Variants in ADGRF1 observed in about 807,000 individuals in gnomAD.
ADGRF1 encodes adhesion G protein-coupled receptor F1, also known as G protein-coupled receptor 110.
A neutral mutation model predicts 87.2 loss-of-function variants in ADGRF1; 85 were observed. The observed-to-expected ratio is 0.97, with a 90% CI of 0.82 to 1.17. The LOEUF is 1.17. Ranked by LOEUF, ADGRF1 falls within the 50% of genes most tolerant of loss-of-function variation. The pLI, the probability that ADGRF1 is intolerant of heterozygous loss-of-function variation, is 0.00. For missense variants in ADGRF1, 1,169 were observed against 1,077.2 expected, an observed-to-expected ratio of 1.09 and a Z score of -1.19; for synonymous variants, 430 against 408.8, an observed-to-expected ratio of 1.05 and a Z score of -0.63.
chr6:47,038,151 G>A (rs1366084885), intron 1 of ADGRF1, among the ~76,000 whole-genome samples: 2 of 152,182 alleles, frequency 1.3e-5, no homozygotes, highest in African/African-American at 2.4e-5. Flanking sequence ...GTGAGGCACC[G>A]TGTCCGGCCG....
At chr6:47,030,313 G>T (rs1780373305) in intron 1 of ADGRF1, among the ~76,000 whole-genome samples, 1 of 152,256 alleles carries the variant, frequency 6.6e-6, no homozygotes, top group East Asian at 1.9e-4. Flanking sequence ...TTTCCTTTCG[G>T]ATGAATGGTC....
chr6:47,018,440 T>C (rs1779944788), intron 7 of ADGRF1: 1 of 1,289,582 alleles, frequency 7.8e-7, no homozygotes, highest in African/African-American at 1.5e-5. Context: ...AATGTATAAA[T>C]AAGTGCAGAC....
chr6:47,008,001 A>G (rs1416935479), intron 11 of ADGRF1, among the ~76,000 whole-genome samples: 1 of 152,238 alleles, frequency 6.6e-6, no homozygotes, highest in Admixed American at 6.5e-5. Flanking sequence ...TATGTGCCAG[A>G]CAATGCGATA....
At chr6:47,021,451 C>G (rs565392345) in intron 6 of ADGRF1, among the ~76,000 whole-genome samples, 1 of 152,238 alleles carries the variant, frequency 6.6e-6, no homozygotes, top group Admixed American at 6.5e-5. Flanking sequence ...AACTCCACCT[C>G]CCGGGTTCAA....
At position 47,034,273 on chromosome 6, in the gene ADGRF1, T is replaced by C. The variant is rs146932039; in HGVS notation, c.-43-5169A>G. 4.2e-3 allele frequency among the ~76,000 whole-genome samples: 634 copies of C among 152,318 alleles called. 1 individual carries two copies. Among genetic ancestry groups the C allele is most frequent in the Non-Finnish European group, 5.7e-3 (386 of 68,032 alleles). On this transcript the variant is annotated intron_variant, in intron 1 of 14. Coordinates refer to ENST00000371253, the MANE Select transcript of ADGRF1 (RefSeq NM_153840.4). ...TCTATTTGTAGATTACTTATTTAAT[T>C]GTTCTTTTATCAATGTCTGGCAGTC...
intron 9 of ADGRF1, chr6:47,014,262 C>A: frequency 1.0e-6 from 1 of 987,342 alleles, no homozygotes; most frequent in Non-Finnish European, 1.2e-6. Flanking sequence ...GTCTGACCCA[C>A]TCCTTGCCCT....
chr6:47,029,082 G>A lies in ADGRF1; in HGVS notation c.-21C>T, dbSNP rs201000780. ...TTCATTTTCCCTGGACTGAACAGCA[G>A]CAGTCGGGTGCATAGTCTGTGACTA... On this transcript the variant is annotated 5_prime_UTR_variant, in exon 2 of 15. Transcript: ENST00000371253. The A allele has an allele frequency of 1.6e-3, 2,617 of 1,601,458 alleles. 43 individuals carry two copies. In the South Asian group the frequency reaches 0.023, roughly 14 times the overall value.
chr6:47,040,428 C>G (rs978776868), intron 1 of ADGRF1, among the ~76,000 whole-genome samples: 1 of 148,612 alleles, frequency 6.7e-6, no homozygotes, highest in Non-Finnish European at 1.5e-5. Flanking sequence ...GCCGAGATCA[C>G]GCCACTGCAC....
Position 47,009,761 on chromosome 6 carries a change from G to A in ADGRF1, c.1674C>T (p.Ile558=), listed in dbSNP as rs760333281. The A allele has an allele frequency of 2.2e-5, 36 of 1,614,050 alleles. No homozygotes were observed. The Admixed American group carries it at 5.2e-4, about 23-fold the overall frequency. ...TCAAGTGAGTACATTGGCACGTCAC[G>A]ATGTCTTGAGTTTCATTCACTAGGT... ...GCHLVNETQD[I]VTCQCTHLTS... is the part of the protein sequence containing the mutation. The change falls in exon 11 of 15, where the codon ATC becomes ATT. Residue 558 remains isoleucine (I), a synonymous_variant. Transcript: ENST00000371253.
rs774609430 is a variant in ADGRF1, at chr6:47,020,831, C to T, written c.553-42G>A. On this transcript the variant is annotated intron_variant, in intron 6 of 14. Transcript: ENST00000371253. Reference sequence around the variant, plus strand: ...AGAACAATGTGTTAATTGTTCTTCCCGTACTTCAGAAAGACATTTGAGCAA... The same window carrying T: ...AGAACAATGTGTTAATTGTTCTTCCTGTACTTCAGAAAGACATTTGAGCAA... The T allele has an allele frequency of 1.8e-5, 27 of 1,525,474 alleles. No individual in the cohort carries two copies. In the East Asian group the frequency reaches 4.5e-4, roughly 26 times the overall value. The allele number at this position is 1,525,474 out of a possible 1,614,324, so 94.5% of individuals were successfully genotyped here. A position where few individuals can be genotyped will look rare whatever the true frequency, so the allele number is the denominator to read the frequency against.
intron 1 of ADGRF1, among the ~76,000 whole-genome samples, chr6:47,031,339 CTCTCTCTCTCTG>C (rs1429311658): frequency 7.3e-6 from 1 of 136,904 alleles, no homozygotes; most frequent in Non-Finnish European, 1.5e-5. Context: ...TCTTCTCTCT[CTCTCTCTCTCTG>C]TCTCTCTCTC....
rs1279320265 is a variant in ADGRF1, at chr6:46,998,429, A to C, written c.*1793T>G. 1.3e-5 allele frequency: 2 copies of C among 152,176 alleles called. No individual in the cohort carries two copies. The highest frequency in any genetic ancestry group is 1.3e-4 in the Admixed American group (2 of 15,264). The allele number at this position is 152,176 out of a possible 1,614,324, so 9.4% of individuals were successfully genotyped here. ...GACAACCCTATCAGAGAGGACCTAA[A>C]AGAGCCCCATGCTGACCTTCACTCT... On this transcript the variant is annotated 3_prime_UTR_variant, in exon 15 of 15. Transcript: ENST00000371253.
At position 47,024,131 on chromosome 6, in the gene ADGRF1, A is replaced by C. The variant is rs1292132095; in HGVS notation, c.364T>G (p.Cys122Gly). The change falls in exon 5 of 15, where the codon TGC (cysteine) becomes GGC (glycine). Residue 122 changes from cysteine (C) to glycine (G), a missense_variant. Coordinates refer to ENST00000371253, the MANE Select transcript of ADGRF1 (RefSeq NM_153840.4). Reference protein sequence around the residue: ...FPPSCLDPQNCYLHTAGALPS... With the variant: ...FPPSCLDPQNGYLHTAGALPS... ...AGTGCTCCAGCCGTGTGAAGGTAGC[A>C]GTTCTGGGGATCAAGGCATGAGGGA... is the stretch of plus-strand genomic sequence containing the variant. 4 of 1,614,070 alleles carry C rather than the reference A, an allele frequency of 2.5e-6. No individual in the cohort carries two copies. Among genetic ancestry groups the C allele is most frequent in the South Asian group, 1.1e-5 (1 of 91,088 alleles).
intron 7 of ADGRF1, 75 bp from the exon 8 acceptor site, chr6:47,016,843 T>G: frequency 6.8e-7 from 1 of 1,460,608 alleles, no homozygotes; most frequent in Admixed American, 2.3e-5. Flanking sequence ...ATGCTGTGTG[T>G]ACATGCCATG....
At chr6:47,013,548 T>C (rs1779771061) in intron 9 of ADGRF1, 1 of 985,430 alleles carries the variant, frequency 1.0e-6, no homozygotes, top group Non-Finnish European at 1.2e-6. Context: ...TTGGGGTCCT[T>C]CTTTTCTGTG....
intron 2 of ADGRF1, among the ~76,000 whole-genome samples, chr6:47,028,223 G>A (rs1780302624): frequency 6.6e-6 from 1 of 152,180 alleles, no homozygotes; most frequent in African/African-American, 2.4e-5. Context: ...GCATTTCTGG[G>A]GTTGTTGAAA....
intron 12 of ADGRF1, among the ~76,000 whole-genome samples, chr6:47,006,411 A>G (rs982192568): frequency 1.3e-5 from 2 of 152,284 alleles, no homozygotes; most frequent in Admixed American, 6.5e-5. Flanking sequence ...AAGTATATTT[A>G]AAAATTTTTT....
Position 47,027,115 on chromosome 6 carries a change from C to T in ADGRF1, c.127+589G>A, listed in dbSNP as rs368390852. Among the ~76,000 whole-genome samples the T allele has an allele frequency of 8.5e-4, 130 of 152,298 alleles. 6 individuals are homozygous for T. The South Asian group carries it at 0.024, about 28-fold the overall frequency. On this transcript the variant is annotated intron_variant, in intron 3 of 14. Coordinates refer to ENST00000371253, the MANE Select transcript of ADGRF1 (RefSeq NM_153840.4). ...AAATAGTCCTGCCACATAGTAACATCCCAACAATAGTTGCTATATTTTTAT... is the reference window on the plus strand; with the variant it reads ...AAATAGTCCTGCCACATAGTAACATTCCAACAATAGTTGCTATATTTTTAT...
intron 7 of ADGRF1, chr6:47,020,266 G>C: frequency 8.1e-7 from 1 of 1,228,550 alleles, no homozygotes; most frequent in Non-Finnish European, 1.0e-6. Flanking sequence ...GCCGAGGCAG[G>C]CGGATCACCT....
Sources: allele counts gnomAD v4.1 joint callset (sites outside exome capture counted in the v4.1 genomes callset), GRCh38; gene constraint gnomAD v4.1.1; transcripts MANE v1.5; gene names NCBI Gene and HGNC (gene_info 2026-07-23, HGNC 2026-07-21).